The following GALNT17 variants were observed in gnomAD, a reference collection of about 807,000 sequenced individuals.
GALNT17 encodes UDP-GalNAc:polypeptide N-acetylgalactosaminyltransferase-like 3.
In GALNT17, 29 loss-of-function variants were observed where a neutral mutation model predicts 63.7. That is an observed-to-expected ratio of 0.46 (90% CI 0.34 to 0.62). The LOEUF (loss-of-function observed/expected upper bound fraction) is 0.62. Ranked by LOEUF, GALNT17 falls within the 20% of genes least tolerant of loss-of-function variation. GALNT17 has a pLI of 0.01. For missense variants in GALNT17, 603 were observed against 799.6 expected, an observed-to-expected ratio of 0.75 and a Z score of 2.97; for synonymous variants, 305 against 318.3, an observed-to-expected ratio of 0.96 and a Z score of 0.45.
intron 5 of GALNT17, among the ~76,000 whole-genome samples, chr7:71,445,179 C>CTTT (rs748963165): frequency 3.1e-5 from 4 of 130,426 alleles, no homozygotes; most frequent in African/African-American, 8.5e-5. Flanking sequence ...TTCTTTCTTT[C>CTTT]TTTTTTTTTT....
intron 6 of GALNT17, among the ~76,000 whole-genome samples, chr7:71,658,609 C>A (rs1159170728): frequency 4.6e-5 from 7 of 152,084 alleles, no homozygotes; most frequent in Non-Finnish European, 7.3e-5. Flanking sequence ...ATCCCTCGGC[C>A]AGGTGCGGTG....
intron 1 of GALNT17, among the ~76,000 whole-genome samples, chr7:71,252,319 G>A (rs4719094): frequency 1.1e-4 from 17 of 151,752 alleles, no homozygotes; most frequent in Admixed American, 1.0e-3. Context: ...AAGGACAGGA[G>A]TTTGAGACCA....
chr7:71,339,116 C>T (rs1488576799), intron 2 of GALNT17, among the ~76,000 whole-genome samples: 1 of 152,126 alleles, frequency 6.6e-6, no homozygotes, highest in African/African-American at 2.4e-5. Context: ...AATGAAAATG[C>T]CTTCAAAACG....
At chr7:71,428,184 G>A (rs1299822000) in intron 5 of GALNT17, among the ~76,000 whole-genome samples, 2 of 152,192 alleles carry the variant, frequency 1.3e-5, no homozygotes, top group East Asian at 1.9e-4. Context: ...CTATCTCCAC[G>A]ATCTACTTCC....
At chr7:71,314,358 T>C (rs1791463961) in intron 1 of GALNT17, among the ~76,000 whole-genome samples, 1 of 152,064 alleles carries the variant, frequency 6.6e-6, no homozygotes, top group African/African-American at 2.4e-5. Flanking sequence ...TGGAGAACAG[T>C]GCAGCCCCCC....
At chr7:71,462,529 G>A (rs1366852764) in intron 5 of GALNT17, among the ~76,000 whole-genome samples, 1 of 152,212 alleles carries the variant, frequency 6.6e-6, no homozygotes, top group African/African-American at 2.4e-5. Flanking sequence ...GCCTCAGGAA[G>A]TGCTGACGGC....
chr7:71,288,614 C>G (rs541462736), intron 1 of GALNT17, among the ~76,000 whole-genome samples: 30 of 152,286 alleles, frequency 2.0e-4, no homozygotes, highest in Non-Finnish European at 3.7e-4. Flanking sequence ...CCAGGGTGGT[C>G]TTGCAGCATG....
chr7:71,232,449 G>C (rs1922517), intron 1 of GALNT17, among the ~76,000 whole-genome samples: 28 of 152,114 alleles, frequency 1.8e-4, no homozygotes, highest in African/African-American at 5.5e-4. Flanking sequence ...TGGGGAGTAG[G>C]GGGGAGTCAC....
intron 5 of GALNT17, among the ~76,000 whole-genome samples, chr7:71,530,013 A>G (rs1409955726): frequency 1.3e-5 from 2 of 152,238 alleles, no homozygotes; most frequent in Non-Finnish European, 2.9e-5. Flanking sequence ...ATTTAATGAA[A>G]CAATGGGCTT....
At chr7:71,254,176 GAGTTA>G (rs1465422875) in intron 1 of GALNT17, among the ~76,000 whole-genome samples, 1 of 152,224 alleles carries the variant, frequency 6.6e-6, no homozygotes, top group Non-Finnish European at 1.5e-5. Flanking sequence ...TTGGTTGAAA[GAGTTA>G]AGTTATTATC....
chr7:71,391,148 G>C (rs1039966252), intron 3 of GALNT17, among the ~76,000 whole-genome samples: 1 of 152,184 alleles, frequency 6.6e-6, no homozygotes, highest in Non-Finnish European at 1.5e-5. Flanking sequence ...ATGAAGCCAG[G>C]TAGCACTAAG....
intron 1 of GALNT17, among the ~76,000 whole-genome samples, chr7:71,233,197 G>A (rs1345461065): frequency 6.6e-6 from 1 of 152,148 alleles, no homozygotes; most frequent in Non-Finnish European, 1.5e-5. Context: ...TCCTTTCCAA[G>A]TGTGGAGTCT....
chr7:71,180,727 A>G (rs1282256510), intron 1 of GALNT17, among the ~76,000 whole-genome samples: 1 of 152,166 alleles, frequency 6.6e-6, no homozygotes, highest in East Asian at 1.9e-4. Context: ...GCTGGGAGAC[A>G]AAAGTTCTCA....
intron 6 of GALNT17, among the ~76,000 whole-genome samples, chr7:71,618,862 G>A (rs946535494): frequency 6.6e-6 from 1 of 152,104 alleles, no homozygotes; most frequent in Non-Finnish European, 1.5e-5. Flanking sequence ...TGCTTTTGGG[G>A]ACTTAGCCAA....
intron 5 of GALNT17, among the ~76,000 whole-genome samples, chr7:71,560,010 A>G (rs1209629190): frequency 6.6e-6 from 1 of 151,740 alleles, no homozygotes; most frequent in African/African-American, 2.4e-5. Flanking sequence ...CCTAGCCAAG[A>G]TGGTGAAACC....
At chr7:71,206,915 C>G (rs1789281915) in intron 1 of GALNT17, among the ~76,000 whole-genome samples, 1 of 152,138 alleles carries the variant, frequency 6.6e-6, no homozygotes, top group Non-Finnish European at 1.5e-5. Context: ...ACCATCCTGG[C>G]TAATGCAGTG....
chr7:71,533,387 C>T (rs79019206), intron 5 of GALNT17, among the ~76,000 whole-genome samples: 15,954 of 152,232 alleles, frequency 0.1, 932 homozygotes, highest in East Asian at 0.25. Flanking sequence ...GAGCTAAAAT[C>T]TTTCCTTGAG....
chr7:71,187,286 CTTT>C (rs74272911), intron 1 of GALNT17, among the ~76,000 whole-genome samples: 1 of 123,310 alleles, frequency 8.1e-6, no homozygotes, highest in Non-Finnish European at 1.6e-5. Flanking sequence ...ATTTTTCTTT[CTTT>C]TTTTTTTTTT....
At chr7:71,611,075 A>G (rs191531079) in intron 6 of GALNT17, among the ~76,000 whole-genome samples, 25 of 151,216 alleles carry the variant, frequency 1.7e-4, no homozygotes, top group Admixed American at 1.4e-3. Context: ...TATGCTTCAC[A>G]TCCCATTCAT....
Sources: gnomAD v4.1 joint callset for allele counts (sites outside exome capture counted in the v4.1 genomes callset) on GRCh38, gnomAD v4.1.1 for gene constraint, MANE v1.5 for transcripts, NCBI Gene and HGNC (gene_info 2026-07-23, HGNC 2026-07-21) for gene names.